DNAH11: variants seen among roughly 807,000 people sequenced by gnomAD.
The protein encoded by DNAH11 is dynein axonemal heavy chain 11.
DNAH11 carries 442 observed loss-of-function variants against 526.0 expected under a neutral mutation model. That is an observed-to-expected ratio of 0.84 (90% CI 0.78 to 0.91). DNAH11 has a LOEUF of 0.91. Ranked by LOEUF, DNAH11 falls within the 40% of genes least tolerant of loss-of-function variation. The pLI, the probability that DNAH11 is intolerant of heterozygous loss-of-function variation, is 0.00. For missense variants in DNAH11, 6,989 were observed against 5,448.7 expected (o/e 1.28, Z -8.90); for synonymous variants, 2,461 against 1,935.9 (o/e 1.27, Z -7.12).
At chr7:21,661,076 G>T (rs979615124) in intron 30 of DNAH11, among the ~76,000 whole-genome samples, 5 of 152,048 alleles carry the variant, frequency 3.3e-5, no homozygotes, top group Non-Finnish European at 7.4e-5. Flanking sequence ...TTACATTCTA[G>T]TTAATCATTA....
chr7:21,743,065 C>T (rs1343295118), intron 49 of DNAH11, among the ~76,000 whole-genome samples: 2 of 152,210 alleles, frequency 1.3e-5, no homozygotes, highest in Non-Finnish European at 2.9e-5. Flanking sequence ...ATGACAGTCA[C>T]CTCCTAAAGG....
intron 55 of DNAH11, 21 bp downstream of exon 55, chr7:21,765,610 T>TCTCACACACACACA (rs1554278823): frequency 4.2e-6 from 4 of 956,382 alleles, no homozygotes; most frequent in East Asian, 5.5e-5. Flanking sequence ...TCAGCCTGCG[T>TCTCACACACACACA]CACACACACA....
At chr7:21,567,840 T>C (rs1783736124) in intron 6 of DNAH11, among the ~76,000 whole-genome samples, 1 of 152,252 alleles carries the variant, frequency 6.6e-6, no homozygotes, top group East Asian at 1.9e-4. Context: ...CCTGTTCACC[T>C]TGCGTGCTAG....
At chr7:21,865,399 T>C (rs1289769148) in intron 70 of DNAH11, among the ~76,000 whole-genome samples, 1 of 152,202 alleles carries the variant, frequency 6.6e-6, no homozygotes, top group Non-Finnish European at 1.5e-5. Flanking sequence ...TCAGTCAGGG[T>C]CTTAACAGGA....
intron 30 of DNAH11, among the ~76,000 whole-genome samples, chr7:21,671,941 AGC>A (rs1782656718): frequency 6.6e-6 from 1 of 152,200 alleles, no homozygotes; most frequent in African/African-American, 2.4e-5. Flanking sequence ...TGGTGGTTTT[AGC>A]AGTAGGATTA....
At chr7:21,621,058 A>C (rs1156849921) in intron 25 of DNAH11, among the ~76,000 whole-genome samples, 4 of 152,212 alleles carry the variant, frequency 2.6e-5, no homozygotes, top group Admixed American at 2.0e-4. Context: ...AGCATGATTT[A>C]TAATCCTTTG....
chr7:21,863,624 A>G (rs1168427081), intron 69 of DNAH11, among the ~76,000 whole-genome samples: 1 of 152,140 alleles, frequency 6.6e-6, no homozygotes, highest in Non-Finnish European at 1.5e-5. Flanking sequence ...CTTGTTTTGT[A>G]TGTACTGCTC....
In DNAH11 at chr7:21,900,105, G is replaced by C. The variant is rs1275074212; in HGVS notation, c.13288G>C (p.Gly4430Arg). The C allele has an allele frequency of 1.9e-6, 3 of 1,613,500 alleles. No individual in the cohort carries two copies. The highest frequency in any genetic ancestry group is 1.7e-6 in the Non-Finnish European group (2 of 1,179,688). The change falls in exon 81 of 82, where the codon GGA becomes CGA. Residue 4430 changes from glycine to arginine, a missense_variant. Gly to Arg is a moderately radical substitution (Grantham distance 125). Transcript: ENST00000409508. ...HPPREGAYLH[G>R]LFMEGARWDT... Reference sequence around the variant, plus strand: ...GCCAAGGGAAGGTGCATACCTCCACGGACTCTTCATGGAGGGTAAGACACC... The same window carrying C: ...GCCAAGGGAAGGTGCATACCTCCACCGACTCTTCATGGAGGGTAAGACACC...
intron 70 of DNAH11, 128 bp from the exon 71 acceptor site, chr7:21,866,342 C>A: frequency 2.1e-4 from 143 of 683,760 alleles, no homozygotes; most frequent in Non-Finnish European, 2.8e-4. Flanking sequence ...AAAAGGAAAT[C>A]TGAAGAGGAG....
At chr7:21,709,986 T>A (rs1409729487) in intron 40 of DNAH11, among the ~76,000 whole-genome samples, 1 of 152,194 alleles carries the variant, frequency 6.6e-6, no homozygotes, top group African/African-American at 2.4e-5. Context: ...TGCTTAGATA[T>A]GTAGTAATGG....
At chr7:21,852,950 C>T (rs369167025) in intron 67 of DNAH11, among the ~76,000 whole-genome samples, 1 of 152,142 alleles carries the variant, frequency 6.6e-6, no homozygotes, top group African/African-American at 2.4e-5. Context: ...CCTTAGCATC[C>T]GGCTCTTCCA....
At position 21,765,412 on chromosome 7, in the gene DNAH11, C is replaced by G. The variant is rs772130280; in HGVS notation, c.8941-16C>G. 2 of 1,613,480 alleles carry G rather than the reference C, an allele frequency of 1.2e-6. No homozygotes were observed. The highest frequency in any genetic ancestry group is 1.7e-4 in the Middle Eastern group (1 of 6,060). ...CATCACCCGCCTGTTTCTGCCTTGCCCCCATGTCTCCACAGATCATTTTGT... is the reference window on the plus strand; with the variant it reads ...CATCACCCGCCTGTTTCTGCCTTGCGCCCATGTCTCCACAGATCATTTTGT... On this transcript the variant is annotated splice_polypyrimidine_tract_variant and intron_variant, in intron 54 of 81. Transcript: ENST00000409508.
At chr7:21,858,841 C>G (rs1328254478) in intron 68 of DNAH11, among the ~76,000 whole-genome samples, 1 of 152,138 alleles carries the variant, frequency 6.6e-6, no homozygotes, top group Non-Finnish European at 1.5e-5. Context: ...ACTCATCAAA[C>G]TGTGCATATA....
At chr7:21,598,823 G>A (rs547612838) in intron 14 of DNAH11, among the ~76,000 whole-genome samples, 1 of 152,250 alleles carries the variant, frequency 6.6e-6, no homozygotes, top group African/African-American at 2.4e-5. Flanking sequence ...CCACTTAAAA[G>A]TGAGAAAATG....
At chr7:21,764,601 A>G (rs1012059548) in intron 54 of DNAH11, among the ~76,000 whole-genome samples, 3 of 152,112 alleles carry the variant, frequency 2.0e-5, no homozygotes, top group Non-Finnish European at 2.9e-5. Context: ...TTGTTTTAGC[A>G]CTTTACACAG....
In DNAH11 at chr7:21,606,434, T is replaced by C. The variant is rs761230822; in HGVS notation, c.3657T>C (p.Pro1219=). The change falls in exon 19 of 82, where the codon CCT becomes CCC. Residue 1219 remains proline (P), a synonymous_variant. Transcript: ENST00000409508. ...TGCCTTTGCTTTTGCAGGAATTACC[T>C]GAAAGATGGGAAACTACCAAAAAGA... The part of the protein sequence containing the change: ...EQVYIQLEEL[P]ERWETTKKIA... The C allele has an allele frequency of 6.2e-7, 1 of 1,605,956 alleles. No homozygotes were observed. Among genetic ancestry groups the C allele is most frequent in the Non-Finnish European group, 8.5e-7 (1 of 1,177,778 alleles).
chr7:21,860,299 A>T (rs1783008899), intron 68 of DNAH11, among the ~76,000 whole-genome samples: 1 of 148,996 alleles, frequency 6.7e-6, no homozygotes, highest in Non-Finnish European at 1.5e-5. Context: ...AAAAAAAAAG[A>T]TAACAAGTGT....
At chr7:21,554,214 C>T (rs918915756) in intron 2 of DNAH11, among the ~76,000 whole-genome samples, 5 of 145,694 alleles carry the variant, frequency 3.4e-5, no homozygotes, top group South Asian at 2.2e-4. Flanking sequence ...CACTCTGTTG[C>T]GCAAGCTGGA....
At chr7:21,717,682 C>T (rs550627444) in intron 42 of DNAH11, 93 bp from the exon 43 acceptor site, 14 of 1,479,342 alleles carry the variant, frequency 9.5e-6, no homozygotes, top group South Asian at 1.3e-5. Flanking sequence ...AAGTGTTGCA[C>T]CAAGCTGTGT....
Sources: allele counts gnomAD v4.1 joint callset (sites outside exome capture counted in the v4.1 genomes callset), GRCh38; gene constraint gnomAD v4.1.1; transcripts MANE v1.5; gene names NCBI Gene and HGNC (gene_info 2026-07-23, HGNC 2026-07-21).